Variants in PPP2R2B observed in about 807,000 individuals in gnomAD.
PPP2R2B encodes the protein serine/threonine-protein phosphatase 2A 55 kDa regulatory subunit B beta isoform.
Under a neutral mutation model 46.0 loss-of-function variants are expected in PPP2R2B, and 5 were observed. That is an observed-to-expected ratio of 0.11 (90% CI 0.06 to 0.23). The LOEUF (loss-of-function observed/expected upper bound fraction) is 0.23. Ranked by LOEUF, PPP2R2B falls within the 10% of genes least tolerant of loss-of-function variation. The pLI, the probability that PPP2R2B is intolerant of heterozygous loss-of-function variation, is 1.00. For missense variants in PPP2R2B, 367 were observed against 575.0 expected (o/e 0.64, Z 3.70); for synonymous variants, 215 against 206.7 (o/e 1.04, Z -0.34).
intron 2 of PPP2R2B, among the ~76,000 whole-genome samples, chr5:146,748,881 ATTTT>A (rs750638657): frequency 6.6e-6 from 1 of 151,914 alleles, no homozygotes; most frequent in Non-Finnish European, 1.5e-5. Flanking sequence ...GTGCACATAC[ATTTT>A]TTTTATTTTT....
At chr5:146,779,516 G>C (rs1412328418) in intron 2 of PPP2R2B, among the ~76,000 whole-genome samples, 1 of 152,152 alleles carries the variant, frequency 6.6e-6, no homozygotes, top group Non-Finnish European at 1.5e-5. Flanking sequence ...GGTTATTACC[G>C]AGGTGTAGTT....
At chr5:147,046,569 G>A (rs904202835) in intron 1 of PPP2R2B, among the ~76,000 whole-genome samples, 5 of 152,100 alleles carry the variant, frequency 3.3e-5, no homozygotes, top group Non-Finnish European at 5.9e-5. Context: ...TTGCCTTGGG[G>A]CACAAGAACC....
chr5:146,852,785 A>C (rs1009499603), intron 2 of PPP2R2B, among the ~76,000 whole-genome samples: 7 of 152,182 alleles, frequency 4.6e-5, no homozygotes, highest in Non-Finnish European at 7.4e-5. Context: ...GTACAGATAA[A>C]TGCAGGGAGC....
intron 2 of PPP2R2B, among the ~76,000 whole-genome samples, chr5:146,810,607 T>A (rs780753709): frequency 6.6e-6 from 1 of 152,198 alleles, no homozygotes; most frequent in Non-Finnish European, 1.5e-5. Flanking sequence ...TTTGAACGCT[T>A]GTCTATGAGC....
intron 1 of PPP2R2B, among the ~76,000 whole-genome samples, chr5:146,989,794 G>T (rs1473917385): frequency 6.6e-6 from 1 of 151,926 alleles, no homozygotes; most frequent in Non-Finnish European, 1.5e-5. Context: ...ATTTTAAAAA[G>T]TGGAAGTCAT....
intron 1 of PPP2R2B, among the ~76,000 whole-genome samples, chr5:147,000,990 G>GT (rs2151868928): frequency 1.3e-5 from 2 of 152,278 alleles, no homozygotes; most frequent in East Asian, 3.9e-4. Flanking sequence ...ATTCCAAAGA[G>GT]TTAGTGAGAG....
intron 2 of PPP2R2B, among the ~76,000 whole-genome samples, chr5:146,851,848 A>C (rs956788369): frequency 6.6e-6 from 1 of 152,024 alleles, no homozygotes; most frequent in African/African-American, 2.4e-5. Context: ...ATAAGTTTAC[A>C]AGCAGTTGTT....
chr5:146,815,795 A>T (rs773662766), intron 2 of PPP2R2B, among the ~76,000 whole-genome samples: 9 of 152,236 alleles, frequency 5.9e-5, no homozygotes, highest in Non-Finnish European at 1.2e-4. Flanking sequence ...CATGCTCAGA[A>T]CATCCCTAAG....
chr5:146,913,082 C>T (rs1763251507), intron 1 of PPP2R2B, among the ~76,000 whole-genome samples: 2 of 152,212 alleles, frequency 1.3e-5, no homozygotes, highest in Admixed American at 6.5e-5. Flanking sequence ...CAGCTGTCCT[C>T]TGGAGGCCCT....
intron 2 of PPP2R2B, among the ~76,000 whole-genome samples, chr5:146,719,600 T>C (rs545960703): frequency 4.7e-4 from 72 of 152,276 alleles, no homozygotes; most frequent in African/African-American, 1.7e-3. Flanking sequence ...TTGTTGTTGT[T>C]GTTCCCAGTG....
intron 1 of PPP2R2B, among the ~76,000 whole-genome samples, chr5:146,942,415 A>G (rs1343217338): frequency 6.6e-6 from 1 of 152,228 alleles, no homozygotes; most frequent in Non-Finnish European, 1.5e-5. Context: ...AGTCAAGTTC[A>G]AGGACAGAAG....
intron 2 of PPP2R2B, among the ~76,000 whole-genome samples, chr5:146,702,602 T>C (rs1779608322): frequency 6.6e-6 from 1 of 152,230 alleles, no homozygotes; most frequent in South Asian, 2.1e-4. Context: ...GATGTTCTCA[T>C]TGTTTAAATA....
At chr5:146,736,334 G>A (rs1355216063) in intron 2 of PPP2R2B, among the ~76,000 whole-genome samples, 20 of 152,094 alleles carry the variant, frequency 1.3e-4, no homozygotes, top group African/African-American at 2.4e-5. Flanking sequence ...CTAATACAGT[G>A]ACAATAACTA....
intron 1 of PPP2R2B, among the ~76,000 whole-genome samples, chr5:146,978,169 G>A (rs932139749): frequency 6.6e-6 from 1 of 152,102 alleles, no homozygotes. Flanking sequence ...CCACTTAAAT[G>A]TCTTCTTTTA....
chr5:146,764,816 AGAGAGAGAG>A (rs1754375890), intron 2 of PPP2R2B, among the ~76,000 whole-genome samples: 1 of 151,858 alleles, frequency 6.6e-6, no homozygotes. Flanking sequence ...AGAGAGAGAG[AGAGAGAGAG>A]AGATACACGC....
intron 1 of PPP2R2B, chr5:147,035,347 G>T: frequency 3.4e-6 from 1 of 298,274 alleles, no homozygotes; most frequent in Non-Finnish European, 6.5e-6. Flanking sequence ...CAAGGGGGAA[G>T]GCCTCCCCCA....
chr5:146,812,824 TA>T (rs1757703300), intron 2 of PPP2R2B, among the ~76,000 whole-genome samples: 3 of 92,698 alleles, frequency 3.2e-5, no homozygotes, highest in African/African-American at 1.2e-4. Flanking sequence ...TATATATATA[TA>T]TATACACACA....
chr5:147,023,081 G>C (rs186602449), intron 1 of PPP2R2B, among the ~76,000 whole-genome samples: 248 of 152,126 alleles, frequency 1.6e-3, no homozygotes, highest in African/African-American at 5.4e-3. Context: ...ACAATGAATT[G>C]TATTATGCCA....
intron 2 of PPP2R2B, among the ~76,000 whole-genome samples, chr5:146,808,596 A>C (rs1259005508): frequency 6.6e-6 from 1 of 152,188 alleles, no homozygotes; most frequent in Non-Finnish European, 1.5e-5. Flanking sequence ...CCTGACTTCA[A>C]GTTCAAAGAC....
Sources: allele counts gnomAD v4.1 joint callset (sites outside exome capture counted in the v4.1 genomes callset), GRCh38; gene constraint gnomAD v4.1.1; transcripts MANE v1.5; gene names NCBI Gene and HGNC (gene_info 2026-07-23, HGNC 2026-07-21).